The following SPIDR variants were observed in gnomAD, a reference collection of about 807,000 sequenced individuals.
SPIDR encodes the protein DNA repair-scaffolding protein.
In SPIDR, 93 loss-of-function variants were observed where a neutral mutation model predicts 104.6. The observed-to-expected ratio is 0.89, with a 90% confidence interval of 0.75 to 1.06. The LOEUF is 1.06. SPIDR is among the 50% of genes least tolerant of loss of function. The pLI, the probability that SPIDR is intolerant of heterozygous loss-of-function variation, is 0.00. For synonymous variants in SPIDR, 431 were observed against 416.9 expected, an observed-to-expected ratio of 1.03 and a Z score of -0.41; for missense variants, 1,154 against 1,111.2, an observed-to-expected ratio of 1.04 and a Z score of -0.55.
chr8:47,404,687 A>G (rs1325033167), intron 6 of SPIDR, among the ~76,000 whole-genome samples: 1 of 152,194 alleles, frequency 6.6e-6, no homozygotes, highest in Non-Finnish European at 1.5e-5. Context: ...CGATCATTAA[A>G]AAGTCAGGAA....
chr8:47,505,904 A>G (rs540935321), intron 8 of SPIDR, among the ~76,000 whole-genome samples: 1 of 152,230 alleles, frequency 6.6e-6, no homozygotes, highest in South Asian at 2.1e-4. Flanking sequence ...TACTTAGCCT[A>G]TATCTTGGGC....
Position 47,595,961 on chromosome 8 carries a change from G to T in SPIDR, c.1248G>T (p.Gln416His). Residue 416 changes from glutamine to histidine, a missense_variant, in exon 9 of 20, where the codon CAG (glutamine) becomes CAT (histidine). Transcript: ENST00000297423. ...CAAGAAGAAGCATCTCTTTGGCCCAGATGTTTGTAATTAAGGGTCTAACAA... is the reference window on the plus strand; with the variant it reads ...CAAGAAGAAGCATCTCTTTGGCCCATATGTTTGTAATTAAGGGTCTAACAA... ...PLPRRSISLA[Q>H]MFVIKGLTNN... 1.2e-6 allele frequency: 2 copies of T among 1,613,936 alleles called. No homozygotes were observed. The highest frequency in any genetic ancestry group is 1.7e-5 in the Admixed American group (1 of 59,954).
intron 7 of SPIDR, among the ~76,000 whole-genome samples, chr8:47,435,882 C>T (rs1235948934): frequency 1.3e-5 from 2 of 152,212 alleles, no homozygotes; most frequent in Non-Finnish European, 2.9e-5. Context: ...TGGTCCTTGG[C>T]TTGTAAGGAT....
intron 19 of SPIDR, among the ~76,000 whole-genome samples, chr8:47,735,011 CTGTG>C (rs1250374788): frequency 6.6e-6 from 1 of 152,166 alleles, no homozygotes; most frequent in Non-Finnish European, 1.5e-5. Flanking sequence ...CCAGCAGAGT[CTGTG>C]TGCATCGTGT....
intron 8 of SPIDR, among the ~76,000 whole-genome samples, chr8:47,469,877 A>AT (rs2075427476): frequency 6.6e-6 from 1 of 152,212 alleles, no homozygotes; most frequent in Non-Finnish European, 1.5e-5. Flanking sequence ...GGTAAAGAAG[A>AT]AAACTACAAA....
At chr8:47,494,584 A>G (rs2079173425) in intron 8 of SPIDR, among the ~76,000 whole-genome samples, 1 of 152,144 alleles carries the variant, frequency 6.6e-6, no homozygotes, top group South Asian at 2.1e-4. Flanking sequence ...TTTGATCAGA[A>G]ACAATACGGC....
At chr8:47,708,558 G>T (rs192392107) in intron 14 of SPIDR, among the ~76,000 whole-genome samples, 3 of 152,054 alleles carry the variant, frequency 2.0e-5, no homozygotes, top group Non-Finnish European at 4.4e-5. Context: ...TTACATGAGG[G>T]TTCACTCTTG....
At chr8:47,358,726 C>T (rs1554627629) in intron 5 of SPIDR, among the ~76,000 whole-genome samples, 1 of 152,092 alleles carries the variant, frequency 6.6e-6, no homozygotes, top group Non-Finnish European at 1.5e-5. Flanking sequence ...TTATCTGATC[C>T]CTATATTACT....
At chr8:47,344,486 T>C (rs1162095206) in intron 5 of SPIDR, among the ~76,000 whole-genome samples, 1 of 152,228 alleles carries the variant, frequency 6.6e-6, no homozygotes, top group African/African-American at 2.4e-5. Flanking sequence ...ATATACCCAG[T>C]AATGGGATGG....
At chr8:47,536,172 C>T (rs1029893686) in intron 8 of SPIDR, among the ~76,000 whole-genome samples, 3 of 151,938 alleles carry the variant, frequency 2.0e-5, no homozygotes, top group South Asian at 2.1e-4. Context: ...AGGTATTCCA[C>T]GTTCATAGAT....
chr8:47,282,774 G>A (rs979051758), intron 2 of SPIDR, among the ~76,000 whole-genome samples: 7 of 152,054 alleles, frequency 4.6e-5, no homozygotes, highest in Non-Finnish European at 1.0e-4. Flanking sequence ...TAACGGTTTG[G>A]CTCAAGAGGT....
At chr8:47,400,067 G>T (rs1049960521) in intron 6 of SPIDR, among the ~76,000 whole-genome samples, 1 of 152,184 alleles carries the variant, frequency 6.6e-6, no homozygotes, top group Non-Finnish European at 1.5e-5. Flanking sequence ...AGGGTGGCAG[G>T]TCAGTGCCAG....
At chr8:47,561,489 C>T (rs1178143900) in intron 8 of SPIDR, among the ~76,000 whole-genome samples, 2 of 152,202 alleles carry the variant, frequency 1.3e-5, no homozygotes, top group Non-Finnish European at 2.9e-5. Context: ...CTTTTCTCAG[C>T]CCGCTGCAGT....
At chr8:47,655,132 G>A (rs866097520) in intron 10 of SPIDR, among the ~76,000 whole-genome samples, 2 of 152,104 alleles carry the variant, frequency 1.3e-5, no homozygotes, top group South Asian at 4.1e-4. Flanking sequence ...ATTATTGTTG[G>A]ACATATGGGT....
chr8:47,669,409 CG>C (rs2154470395), intron 10 of SPIDR, among the ~76,000 whole-genome samples: 1 of 152,278 alleles, frequency 6.6e-6, no homozygotes, highest in East Asian at 1.9e-4. Flanking sequence ...GACTCCACCT[CG>C]GGCCTGAGCC....
chr8:47,465,192 C>T (rs981231972), intron 8 of SPIDR, among the ~76,000 whole-genome samples: 1 of 152,184 alleles, frequency 6.6e-6, no homozygotes, highest in Non-Finnish European at 1.5e-5. Context: ...TACTACCTGA[C>T]CTGACTTACG....
chr8:47,405,291 CGTGT>C lies in SPIDR; in HGVS notation c.777-2541_777-2538del, dbSNP rs34302817. 8.7e-3 allele frequency among the ~76,000 whole-genome samples: 1,265 copies of C among 144,970 alleles called. 8 individuals are homozygous for C. Among genetic ancestry groups the C allele is most frequent in the African/African-American group, 0.022 (882 of 39,616 alleles). ...ACGGGTGCAGCACACCAACATGGCACGTGTGTGTGTGTGTGTGTGTGTGTGTGTG... is the reference window on the plus strand; with the variant it reads ...ACGGGTGCAGCACACCAACATGGCACGTGTGTGTGTGTGTGTGTGTGTGTG... On this transcript the variant is annotated intron_variant, in intron 6 of 19. Transcript: ENST00000297423.
chr8:47,688,918 G>A (rs1204263346), intron 11 of SPIDR, among the ~76,000 whole-genome samples: 1 of 152,168 alleles, frequency 6.6e-6, no homozygotes, highest in Admixed American at 6.5e-5. Context: ...AATTCACTGT[G>A]GTTTAAATTC....
Position 47,701,790 on chromosome 8 carries a change from G to T in SPIDR, c.1843G>T (p.Asp615Tyr). ...AGCTCATCCAAATCTGGGACAAATT[G>T]ATATAATTGACGAAGACCCCATTTA... The part of the protein sequence containing the change: ...LTAHPNLGQI[D>Y]IIDEDPIYKL... The change falls in exon 13 of 20, where the codon GAT becomes TAT. Residue 615 changes from aspartate (D) to tyrosine (Y), a missense_variant. By Grantham distance (160) the Asp-to-Tyr change is radical. Coordinates refer to ENST00000297423, the MANE Select transcript of SPIDR (RefSeq NM_001080394.4). The T allele has an allele frequency of 6.2e-7, 1 of 1,614,084 alleles. No individual in the cohort carries two copies. The highest frequency in any genetic ancestry group is 8.5e-7 in the Non-Finnish European group (1 of 1,180,022).
Sources: gnomAD v4.1 joint callset for allele counts (sites outside exome capture counted in the v4.1 genomes callset) on GRCh38, gnomAD v4.1.1 for gene constraint, MANE v1.5 for transcripts, NCBI Gene and HGNC (gene_info 2026-07-23, HGNC 2026-07-21) for gene names.